Variants in VWA8 observed in about 807,000 individuals in gnomAD.
VWA8 encodes the protein von Willebrand factor A domain-containing protein 8.
Under a neutral mutation model 241.5 loss-of-function variants are expected in VWA8, and 221 were observed. The ratio of observed to expected loss-of-function variants is 0.91; its 90% CI spans 0.82 to 1.02. The LOEUF is 1.02. Among genes scored for constraint, VWA8 ranks in the 50% least tolerant of loss-of-function variants. The pLI is 0.00. For missense variants in VWA8, 2,322 were observed against 2,328.7 expected (o/e 1.00, Z 0.06); for synonymous variants, 852 against 827.1 (o/e 1.03, Z -0.52).
intron 17 of VWA8, among the ~76,000 whole-genome samples, chr13:41,792,899 T>C (rs891896929): frequency 3.3e-5 from 5 of 152,092 alleles, no homozygotes; most frequent in African/African-American, 1.2e-4. Flanking sequence ...ATGTCATTGA[T>C]TTGGGAGTAT....
chr13:41,714,157 A>G (rs2045334693), intron 26 of VWA8, among the ~76,000 whole-genome samples: 1 of 151,996 alleles, frequency 6.6e-6, no homozygotes, highest in Non-Finnish European at 1.5e-5. Flanking sequence ...TCATTTAGTA[A>G]ATATCATCAT....
chr13:41,631,770 G>A (rs998840964), intron 37 of VWA8, among the ~76,000 whole-genome samples: 6 of 152,142 alleles, frequency 3.9e-5, no homozygotes, highest in Non-Finnish European at 7.3e-5. Flanking sequence ...ACCTTTAAGG[G>A]AAACCAAATG....
chr13:41,719,696 T>C lies in VWA8; in HGVS notation c.3011A>G (p.Asp1004Gly). ...GLSSVVRNVF[D>G]FDSYNNDMRE... ...CATGTCATTGTTGTAGGAATCAAAG[T>C]CAAACACATTTCGAACTACACTGGA... The change falls in exon 26 of 45, where the codon GAC becomes GGC. Residue 1004 changes from aspartate (D) to glycine (G), a missense_variant. By Grantham distance (94) the Asp-to-Gly change is moderately conservative (BLOSUM62 -1). Coordinates refer to ENST00000379310, the MANE Select transcript of VWA8 (RefSeq NM_015058.2). The C allele has an allele frequency of 6.2e-7, 1 of 1,613,062 alleles. No homozygotes were observed. The highest frequency in any genetic ancestry group is 8.5e-7 in the Non-Finnish European group (1 of 1,179,460).
intron 17 of VWA8, among the ~76,000 whole-genome samples, chr13:41,800,793 C>CAAA (rs34852903): frequency 1.2e-4 from 10 of 81,076 alleles, no homozygotes; most frequent in South Asian, 3.6e-4. Flanking sequence ...ACTCCATCTC[C>CAAA]AAAAAAAAAA....
chr13:41,600,747 T>C (rs891835788), intron 40 of VWA8, among the ~76,000 whole-genome samples: 40 of 152,146 alleles, frequency 2.6e-4, no homozygotes, highest in African/African-American at 9.4e-4. Context: ...AAGTCTGTCC[T>C]CTTCCTGTGT....
chr13:41,658,334 T>C (rs980474501), intron 37 of VWA8, among the ~76,000 whole-genome samples: 12 of 151,648 alleles, frequency 7.9e-5, no homozygotes, highest in African/African-American at 2.4e-4. Flanking sequence ...TCTAAAAACA[T>C]AGTTTATTTG....
intron 29 of VWA8, among the ~76,000 whole-genome samples, chr13:41,696,624 A>G (rs1038830597): frequency 3.3e-5 from 5 of 152,214 alleles, no homozygotes; most frequent in African/African-American, 4.8e-5. Flanking sequence ...GTCCTCTCAT[A>G]TGTAAATGTG....
chr13:41,701,842 C>T (rs2137827935), intron 27 of VWA8, among the ~76,000 whole-genome samples: 1 of 152,318 alleles, frequency 6.6e-6, no homozygotes, highest in East Asian at 1.9e-4. Context: ...CAGTTTTGAA[C>T]TCCAAGTATC....
chr13:41,869,942 A>G (rs1003949938), intron 9 of VWA8, among the ~76,000 whole-genome samples: 1 of 152,222 alleles, frequency 6.6e-6, no homozygotes, highest in Non-Finnish European at 1.5e-5. Flanking sequence ...TTGAAACTCA[A>G]TGAAAGAACA....
chr13:41,893,219 T>G (rs1175663730), intron 4 of VWA8, among the ~76,000 whole-genome samples: 1 of 152,218 alleles, frequency 6.6e-6, no homozygotes, highest in African/African-American at 2.4e-5. Context: ...AGGCATTGCT[T>G]AATCAAGCTT....
At chr13:41,742,426 T>A (rs1432043831) in intron 21 of VWA8, among the ~76,000 whole-genome samples, 1 of 152,170 alleles carries the variant, frequency 6.6e-6, no homozygotes, top group Admixed American at 6.5e-5. Flanking sequence ...GTAATTGTGA[T>A]AAAAAATGAC....
At chr13:41,699,328 A>G in intron 28 of VWA8, 58 bp from the exon 29 acceptor site, 1 of 1,539,560 alleles carries the variant, frequency 6.5e-7, no homozygotes. Context: ...TAATTGGCCA[A>G]GAGGTCTAGT....
chr13:41,747,844 T>C (rs1231662652), intron 21 of VWA8, among the ~76,000 whole-genome samples: 1 of 152,254 alleles, frequency 6.6e-6, no homozygotes, highest in Non-Finnish European at 1.5e-5. Flanking sequence ...TTTCTGCATC[T>C]ATTGAGATAA....
At chr13:41,805,665 T>C (rs1870157335) in intron 17 of VWA8, among the ~76,000 whole-genome samples, 1 of 151,800 alleles carries the variant, frequency 6.6e-6, no homozygotes, top group South Asian at 2.1e-4. Flanking sequence ...AATACAAAAA[T>C]TAGCTGGTCA....
intron 12 of VWA8, among the ~76,000 whole-genome samples, chr13:41,844,629 A>C (rs1430959604): frequency 6.6e-6 from 1 of 152,188 alleles, no homozygotes; most frequent in Non-Finnish European, 1.5e-5. Context: ...AACAGATGTC[A>C]GTAAAATTTC....
rs544734709 is a variant in VWA8 at position 41,882,527 on chromosome 13, T to G, written c.1080+860A>C. ...AGCCTGGGCACCATTGAGCACTGAG[T>G]GAACCAGACTCCGTCTGCAATCCCA... On this transcript the variant is annotated intron_variant, in intron 9 of 44. Transcript: ENST00000379310. Among the ~76,000 whole-genome samples, 20 of 152,204 alleles carry G rather than the reference T, an allele frequency of 1.3e-4. No homozygotes were observed. In the South Asian group the frequency reaches 3.7e-3, roughly 28 times the overall value.
intron 20 of VWA8, among the ~76,000 whole-genome samples, chr13:41,764,714 G>A (rs568932704): frequency 6.6e-6 from 1 of 152,196 alleles, no homozygotes; most frequent in African/African-American, 2.4e-5. Context: ...TATGCAAGAA[G>A]TCAGAAGCTA....
intron 37 of VWA8, among the ~76,000 whole-genome samples, chr13:41,637,133 C>T (rs1433948547): frequency 6.6e-6 from 1 of 151,516 alleles, no homozygotes; most frequent in African/African-American, 2.4e-5. Flanking sequence ...TATTGCGGCA[C>T]TATTCACAAT....
chr13:41,660,405 C>T (rs7336665), intron 37 of VWA8, among the ~76,000 whole-genome samples: 2,359 of 152,232 alleles, frequency 0.015, 56 homozygotes, highest in African/African-American at 0.051. Context: ...CATGAGCCAC[C>T]GTGCCTGGCC....
Sources: allele counts gnomAD v4.1 joint callset (sites outside exome capture counted in the v4.1 genomes callset), GRCh38; gene constraint gnomAD v4.1.1; transcripts MANE v1.5; gene names NCBI Gene and HGNC (gene_info 2026-07-23, HGNC 2026-07-21).